The following LRRC4C variants were observed in gnomAD, a reference collection of about 807,000 sequenced individuals.
LRRC4C encodes leucine rich repeat containing 4C.
Under a neutral mutation model 33.6 loss-of-function variants are expected in LRRC4C, and 5 were observed. That is an observed-to-expected ratio of 0.15 (90% CI 0.08 to 0.31). The LOEUF (loss-of-function observed/expected upper bound fraction) is 0.31, where lower values mean the gene tolerates loss of function less well. Among genes scored for constraint, LRRC4C ranks in the 10% least tolerant of loss-of-function variants. LRRC4C has a pLI of 1.00. For synonymous variants in LRRC4C, 329 were observed against 302.0 expected (o/e 1.09, Z -0.93); for missense variants, 560 against 796.7 (o/e 0.70, Z 3.58).
intron 3 of LRRC4C, among the ~76,000 whole-genome samples, chr11:40,382,099 G>A (rs1261318776): frequency 6.8e-6 from 1 of 147,912 alleles, no homozygotes; most frequent in East Asian, 2.0e-4. Context: ...TGGGACTACA[G>A]GCGCCCACCA....
intron 4 of LRRC4C, among the ~76,000 whole-genome samples, chr11:40,285,914 A>G (rs927786315): frequency 6.6e-6 from 1 of 152,170 alleles, no homozygotes; most frequent in African/African-American, 2.4e-5. Context: ...GTTGCTATAC[A>G]ACCTTAGACA....
chr11:40,341,610 C>G (rs1302931870), intron 3 of LRRC4C, among the ~76,000 whole-genome samples: 1 of 152,106 alleles, frequency 6.6e-6, no homozygotes, highest in Non-Finnish European at 1.5e-5. Context: ...ATGGGTGCAG[C>G]ACACCAACAT....
intron 3 of LRRC4C, among the ~76,000 whole-genome samples, chr11:40,325,283 A>C (rs1946043015): frequency 6.6e-6 from 1 of 152,192 alleles, no homozygotes; most frequent in Non-Finnish European, 1.5e-5. Context: ...TTATTATATA[A>C]GTTTCAGCTA....
intron 1 of LRRC4C, among the ~76,000 whole-genome samples, chr11:41,362,132 A>T (rs562180464): frequency 6.6e-6 from 1 of 152,154 alleles, no homozygotes; most frequent in African/African-American, 2.4e-5. Context: ...TTCCTCACTC[A>T]TATCAGAGGA....
chr11:40,639,928 T>C (rs1198971796), intron 3 of LRRC4C, among the ~76,000 whole-genome samples: 1 of 140,470 alleles, frequency 7.1e-6, no homozygotes, highest in African/African-American at 2.9e-5. Context: ...TCACATAGAC[T>C]GATTTTTTTT....
intron 2 of LRRC4C, among the ~76,000 whole-genome samples, chr11:40,797,166 T>A (rs1326712321): frequency 6.6e-6 from 1 of 152,056 alleles, no homozygotes; most frequent in Non-Finnish European, 1.5e-5. Flanking sequence ...GAAAAAAATT[T>A]TTAAAGGATA....
chr11:41,417,261 C>T (rs1177062936), intron 1 of LRRC4C, among the ~76,000 whole-genome samples: 1 of 152,032 alleles, frequency 6.6e-6, no homozygotes, highest in Non-Finnish European at 1.5e-5. Context: ...CTGCAGGATA[C>T]TAGGAGAAGT....
At chr11:40,809,631 C>T (rs999957911) in intron 2 of LRRC4C, among the ~76,000 whole-genome samples, 3 of 152,070 alleles carry the variant, frequency 2.0e-5, no homozygotes, top group Admixed American at 6.6e-5. Context: ...AGGAAAGCAA[C>T]GTATTGTTTG....
At chr11:40,309,093 G>A (rs11035773) in intron 4 of LRRC4C, among the ~76,000 whole-genome samples, 6 of 152,096 alleles carry the variant, frequency 3.9e-5, no homozygotes, top group African/African-American at 1.2e-4. Context: ...GCATATTCAC[G>A]GTTATGCAAC....
chr11:41,105,103 A>C (rs1941418414), intron 1 of LRRC4C, among the ~76,000 whole-genome samples: 1 of 152,050 alleles, frequency 6.6e-6, no homozygotes, highest in African/African-American at 2.4e-5. Context: ...CAATAAAATT[A>C]TTAAGAAATA....
At chr11:40,900,402 T>C (rs1443739843) in intron 2 of LRRC4C, among the ~76,000 whole-genome samples, 1 of 152,068 alleles carries the variant, frequency 6.6e-6, no homozygotes, top group African/African-American at 2.4e-5. Context: ...TAATGATTTC[T>C]CTCAGTGGCA....
intron 1 of LRRC4C, among the ~76,000 whole-genome samples, chr11:41,131,044 G>A (rs1942987508): frequency 6.6e-6 from 1 of 151,964 alleles, no homozygotes; most frequent in South Asian, 2.1e-4. Flanking sequence ...AGAAACAAAA[G>A]CAAATTATTT....
At chr11:40,964,763 T>C (rs1012984357) in intron 1 of LRRC4C, among the ~76,000 whole-genome samples, 1 of 151,856 alleles carries the variant, frequency 6.6e-6, no homozygotes. Context: ...CTTAATCCAG[T>C]CTATCATTGT....
intron 1 of LRRC4C, among the ~76,000 whole-genome samples, chr11:41,324,675 G>T (rs1175982646): frequency 2.0e-5 from 3 of 152,142 alleles, no homozygotes; most frequent in African/African-American, 7.2e-5. Context: ...ACCCAAAATT[G>T]TCATAAAGCC....
chr11:41,011,126 G>T (rs1414236606), intron 1 of LRRC4C, among the ~76,000 whole-genome samples: 3 of 152,052 alleles, frequency 2.0e-5, no homozygotes, highest in Admixed American at 1.3e-4. Context: ...CCAACCAGAG[G>T]AAATATCTGA....
chr11:41,287,362 C>T (rs1949860670), intron 1 of LRRC4C, among the ~76,000 whole-genome samples: 1 of 152,158 alleles, frequency 6.6e-6, no homozygotes. Context: ...GGGTTTCTTA[C>T]TCTAACGATG....
At chr11:40,726,978 C>A (rs765575103) in intron 2 of LRRC4C, among the ~76,000 whole-genome samples, 1 of 151,874 alleles carries the variant, frequency 6.6e-6, no homozygotes, top group Non-Finnish European at 1.5e-5. Flanking sequence ...AAACTGAGAG[C>A]CAAATAAAGA....
intron 2 of LRRC4C, among the ~76,000 whole-genome samples, chr11:40,800,414 C>G (rs1316039250): frequency 6.6e-6 from 1 of 152,168 alleles, no homozygotes; most frequent in South Asian, 2.1e-4. Context: ...CACTCTTCAT[C>G]AATACCCATA....
intron 2 of LRRC4C, among the ~76,000 whole-genome samples, chr11:40,843,504 TTCTC>T (rs895757868): frequency 6.6e-5 from 10 of 152,170 alleles, no homozygotes; most frequent in East Asian, 3.9e-4. Context: ...AGTTTGGATT[TTCTC>T]TCTCTTTCTC....
Sources: gnomAD v4.1 joint callset for allele counts (sites outside exome capture counted in the v4.1 genomes callset) on GRCh38, gnomAD v4.1.1 for gene constraint, MANE v1.5 for transcripts, NCBI Gene and HGNC (gene_info 2026-07-23, HGNC 2026-07-21) for gene names.